The following KLF17 variants were observed in gnomAD, a reference collection of about 807,000 sequenced individuals.
KLF17 encodes Krueppel-like factor 17.
Under a neutral mutation model 34.2 loss-of-function variants are expected in KLF17, and 31 were observed. The ratio of observed to expected loss-of-function variants is 0.91; its 90% CI spans 0.68 to 1.22. The LOEUF (loss-of-function observed/expected upper bound fraction) is 1.22. KLF17 is among the 50% of genes most tolerant of loss of function. The pLI is 0.00. For missense variants in KLF17, 478 were observed against 505.2 expected, an observed-to-expected ratio of 0.95 and a Z score of 0.52; for synonymous variants, 179 against 186.7, an observed-to-expected ratio of 0.96 and a Z score of 0.34.
chr1:44,069,901 T>G, the KLF17 span: 3 of 152,174 alleles, frequency 2.0e-5, no homozygotes, highest in Non-Finnish European at 2.9e-5. This position sits in a 1 kb window ranked among gnomAD's most constrained non-coding sequence, Gnocchi z 4.7. Context: ...TGCCCCAGCG[T>G]CGGCGATGCA....
the KLF17 span, among the ~76,000 whole-genome samples, chr1:44,075,322 A>G: frequency 3.9e-5 from 6 of 152,222 alleles, no homozygotes; most frequent in African/African-American, 7.2e-5. Context: ...TGGAATGTAT[A>G]GTAGTGTTAT....
chr1:44,084,717 C>T, the KLF17 span, among the ~76,000 whole-genome samples: 32 of 149,992 alleles, frequency 2.1e-4, no homozygotes, highest in East Asian at 5.9e-3. Flanking sequence ...GTGGTGACTG[C>T]ATAAGCCTTT....
chr1:44,065,795 A>G, the KLF17 span, among the ~76,000 whole-genome samples: 15 of 152,230 alleles, frequency 9.9e-5, no homozygotes, highest in Non-Finnish European at 2.1e-4. Context: ...CAAAGAAGAT[A>G]TTTATAACAT....
At chr1:44,116,251 T>A (rs2087878193), upstream of KLF17, among the ~76,000 whole-genome samples, 1 of 152,150 alleles carries the variant, frequency 6.6e-6, no homozygotes, top group African/African-American at 2.4e-5. Flanking sequence ...CTCAAGGGCC[T>A]GCTCTCAGCC....
chr1:44,100,623 T>C, the KLF17 span, among the ~76,000 whole-genome samples: 5 of 141,050 alleles, frequency 3.5e-5, no homozygotes, highest in East Asian at 2.1e-4. Flanking sequence ...GGCTGTTTTG[T>C]TTTTGTTTTT....
chr1:44,054,151 C>T, the KLF17 span, among the ~76,000 whole-genome samples: 1 of 152,152 alleles, frequency 6.6e-6, no homozygotes, highest in Admixed American at 6.5e-5. Flanking sequence ...GACCCAGACT[C>T]CCCAGAAGGG....
chr1:44,082,737 T>C, the KLF17 span, among the ~76,000 whole-genome samples: 1 of 152,236 alleles, frequency 6.6e-6, no homozygotes, highest in Non-Finnish European at 1.5e-5. Flanking sequence ...TTGATAATTC[T>C]GTTCTTTCTG....
chr1:44,092,124 C>A, the KLF17 span, among the ~76,000 whole-genome samples: 1 of 151,678 alleles, frequency 6.6e-6, no homozygotes, highest in South Asian at 2.1e-4. Context: ...GGGCGGATCA[C>A]CTGAGGTCGG....
chr1:44,103,650 T>C, the KLF17 span: 2 of 1,610,328 alleles, frequency 1.2e-6, no homozygotes, highest in Non-Finnish European at 1.7e-6. Flanking sequence ...GTTCATCAGC[T>C]CCTAGTACTC....
chr1:44,123,700 G>A (rs569046306), intron 1 of KLF17, among the ~76,000 whole-genome samples: 2 of 152,016 alleles, frequency 1.3e-5, no homozygotes, highest in South Asian at 4.1e-4. Flanking sequence ...AAACCAGTAG[G>A]TTTTCCCCTT....
At chr1:44,117,074 T>C (rs984525941), upstream of KLF17, 2 of 151,856 alleles carry the variant, frequency 1.3e-5, no homozygotes, top group African/African-American at 4.8e-5. Context: ...CCATTACAAA[T>C]TCTGTTTTTC....
chr1:44,061,374 G>A, the KLF17 span: 1 of 152,194 alleles, frequency 6.6e-6, no homozygotes, highest in Non-Finnish European at 1.5e-5. Context: ...GGGGAATGAG[G>A]TAGGAGGCAG....
chr1:44,115,393 G>A (rs1267381911), upstream of KLF17: 2 of 142,924 alleles, frequency 1.4e-5, no homozygotes, highest in African/African-American at 5.1e-5. Flanking sequence ...GGAGCTTGCA[G>A]TGAGCCGAGA....
chr1:44,087,770 A>G, the KLF17 span, among the ~76,000 whole-genome samples: 2 of 57,852 alleles, frequency 3.5e-5, no homozygotes, highest in Non-Finnish European at 7.6e-5. Flanking sequence ...ATATATATAT[A>G]CACACACACA....
At chr1:44,080,140 G>C in the KLF17 span, among the ~76,000 whole-genome samples, 3 of 151,396 alleles carry the variant, frequency 2.0e-5, no homozygotes, top group Non-Finnish European at 4.4e-5. Context: ...TGTTGGCCAG[G>C]CTGGTATCAA....
At chr1:44,069,012 C>G in the KLF17 span, among the ~76,000 whole-genome samples, 3 of 152,116 alleles carry the variant, frequency 2.0e-5, no homozygotes, top group African/African-American at 7.2e-5. This position sits in a 1 kb window ranked among gnomAD's most constrained non-coding sequence, Gnocchi z 4.7. Context: ...CATGCCTCCT[C>G]TCAGGGGTCA....
the KLF17 span, among the ~76,000 whole-genome samples, chr1:44,071,705 C>G: frequency 6.6e-6 from 1 of 152,174 alleles, no homozygotes; most frequent in Non-Finnish European, 1.5e-5. Context: ...GCTTCCCAGT[C>G]TCTACTTCCT....
the KLF17 span, among the ~76,000 whole-genome samples, chr1:44,067,583 G>C: frequency 6.6e-6 from 1 of 152,200 alleles, no homozygotes; most frequent in African/African-American, 2.4e-5. Flanking sequence ...GACCCACAGG[G>C]AGCACTGGAG....
the KLF17 span, among the ~76,000 whole-genome samples, chr1:44,106,054 G>T: frequency 1.3e-5 from 2 of 152,036 alleles, no homozygotes; most frequent in Admixed American, 1.3e-4. Context: ...GGAAAAGCAA[G>T]CAAGCAAGCC....
Sources: gnomAD v4.1 joint callset for allele counts (sites outside exome capture counted in the v4.1 genomes callset) on GRCh38, gnomAD v4.1.1 for gene constraint, Gnocchi (gnomAD v3.1) non-coding constraint, MANE v1.5 for transcripts, NCBI Gene and HGNC (gene_info 2026-07-23, HGNC 2026-07-21) for gene names.